Variants in CD300LD observed in about 807,000 individuals in gnomAD.
The protein encoded by CD300LD is CD300 molecule like family member d.
A neutral mutation model predicts 20.3 loss-of-function variants in CD300LD; 18 were observed. The observed-to-expected ratio is 0.89, with a 90% CI of 0.61 to 1.32. CD300LD has a LOEUF of 1.32. CD300LD is among the 40% of genes most tolerant of loss of function. The probability of loss-of-function intolerance (pLI) is 0.00; values close to 1 mark genes in which losing one functional copy is unlikely to be tolerated. For missense variants in CD300LD, 195 were observed against 226.6 expected (o/e 0.86, Z 0.90); for synonymous variants, 104 against 90.1 (o/e 1.15, Z -0.87).
chr17:74,587,116 T>G (rs184645344), intron 2 of CD300LD, among the ~76,000 whole-genome samples: 1 of 151,574 alleles, frequency 6.6e-6, no homozygotes, highest in Non-Finnish European at 1.5e-5. Flanking sequence ...GCCATTGCAC[T>G]CCAGCCCAGG....
intron 2 of CD300LD, 80 bp downstream of exon 2, chr17:74,588,431 T>C: frequency 1.1e-6 from 1 of 881,044 alleles, no homozygotes; most frequent in Non-Finnish European, 1.8e-6. Context: ...TGAGTGACAG[T>C]TAATTTACTC....
chr17:74,591,772 G>C (rs911156582), intron 1 of CD300LD, among the ~76,000 whole-genome samples: 68 of 143,038 alleles, frequency 4.8e-4, no homozygotes, highest in Middle Eastern at 3.9e-3. Flanking sequence ...ATCATGCTAA[G>C]TGAAAGAAGC....
At chr17:74,587,876 C>T (rs1181535602) in intron 2 of CD300LD, among the ~76,000 whole-genome samples, 1 of 150,850 alleles carries the variant, frequency 6.6e-6, no homozygotes, top group Admixed American at 6.6e-5. Context: ...CCTAGAAAGA[C>T]TTAATCCCAT....
At position 74,582,237 on chromosome 17, in the gene CD300LD, T is replaced by C. The variant is rs570260250; in HGVS notation, c.454A>G (p.Thr152Ala). ...ACCTACCTGGTGAGGGGGCTGCTGG[T>C]CTTCTGGGTGGCTGCAGCTGTGAAA... ...LAFTAAATQK[T>A]SSPLTRSPLK... The change falls in exon 3 of 4, where the codon ACC (threonine) becomes GCC (alanine). Residue 152 changes from threonine to alanine, a missense_variant. Physicochemically the swap from Thr to Ala is moderately conservative, Grantham distance 58. Transcript: ENST00000375352. 36 of 1,613,832 alleles carry C rather than the reference T, an allele frequency of 2.2e-5. No individual in the cohort carries two copies. In the Admixed American group the frequency reaches 4.0e-4, roughly 18 times the overall value.
chr17:74,585,200 A>T (rs1377316597), intron 2 of CD300LD, among the ~76,000 whole-genome samples: 1 of 152,218 alleles, frequency 6.6e-6, no homozygotes, highest in Non-Finnish European at 1.5e-5. Flanking sequence ...GGCAGTCTTG[A>T]TGTAGAAATT....
rs975190890 is a variant in CD300LD, at chr17:74,592,277, A to G, written c.-75T>C. The G allele has an allele frequency of 1.9e-5, 30 of 1,613,898 alleles. No individual in the cohort carries two copies. Among genetic ancestry groups the G allele is most frequent in the Non-Finnish European group, 2.5e-5 (29 of 1,179,852 alleles). ...TCAGGGACTTGAATCCAAGCTCGGA[A>G]GTCAACACCGCAAACCTACTCGAAT... is the stretch of plus-strand genomic sequence containing the variant. On this transcript the variant is annotated 5_prime_UTR_variant, in exon 1 of 4. Coordinates refer to ENST00000375352, the MANE Select transcript of CD300LD (RefSeq NM_001115152.2).
intron 1 of CD300LD, among the ~76,000 whole-genome samples, chr17:74,589,696 C>T (rs1180619938): frequency 6.6e-6 from 1 of 152,116 alleles, no homozygotes; most frequent in Non-Finnish European, 1.5e-5. Context: ...GAGAGCTTTG[C>T]CAGAAATTCT....
intron 2 of CD300LD, among the ~76,000 whole-genome samples, chr17:74,586,697 AC>A (rs1354197389): frequency 6.6e-6 from 1 of 152,090 alleles, no homozygotes; most frequent in Non-Finnish European, 1.5e-5. Flanking sequence ...GAGGAGACAA[AC>A]CCACCAAGAT....
Position 74,592,163 on chromosome 17 carries a change from C to G in CD300LD, c.40G>C (p.Gly14Arg). 1 of 1,614,192 alleles carries G rather than the reference C, an allele frequency of 6.2e-7. No homozygotes were observed. The highest frequency in any genetic ancestry group is 8.5e-7 in the Non-Finnish European group (1 of 1,180,036). Reference sequence around the variant, plus strand: ...GCCTTAAAGCTCCAGCCACACTCACCTGGGAGGATGAGAAGCAGCAGAGAT... The same window carrying G: ...GCCTTAAAGCTCCAGCCACACTCACGTGGGAGGATGAGAAGCAGCAGAGAT... ...SPSLLLLILP[G>R]YSIAAKITGP... The change falls in exon 1 of 4, where the codon GGT (glycine) becomes CGT (arginine). Residue 14 changes from glycine (G) to arginine (R), a missense_variant and splice_region_variant. Physicochemically the swap from Gly to Arg is moderately radical, Grantham distance 125 (BLOSUM62 -2). Coordinates refer to ENST00000375352, the MANE Select transcript of CD300LD (RefSeq NM_001115152.2).
At chr17:74,591,915 C>T in intron 1 of CD300LD, 2 of 1,002,304 alleles carry the variant, frequency 2.0e-6, no homozygotes. Flanking sequence ...ATGGAACAGT[C>T]AGGGTTGAGA....
chr17:74,588,649 T>C lies in CD300LD; in HGVS notation c.241A>G (p.Ile81Val). ...EQEVKKNRVS[I>V]RDNQKNHVFT... ...ACGTGGTTTTTCTGATTGTCCCTGA[T>C]GGAAACTCGATTCTTCTTTACCTCC... The change falls in exon 2 of 4, where the codon ATC (isoleucine) becomes GTC (valine). Residue 81 changes from isoleucine (I) to valine (V), a missense_variant. Physicochemically the swap from Ile to Val is conservative, Grantham distance 29. Coordinates refer to ENST00000375352, the MANE Select transcript of CD300LD (RefSeq NM_001115152.2). 1.2e-6 allele frequency: 2 copies of C among 1,614,222 alleles called. No individual in the cohort carries two copies. Among genetic ancestry groups the C allele is most frequent in the Non-Finnish European group, 1.7e-6 (2 of 1,180,034 alleles).
Position 74,592,144 on chromosome 17 carries a change from A to AAGCT in CD300LD, c.40+15_40+18dup, listed in dbSNP as rs370316430. The stretch of plus-strand genomic sequence containing the variant: ...CAGCCGCTGTCATTCCAGTGCCTTA[A>AAGCT]AGCTCCAGCCACACTCACCTGGGAG... On this transcript the variant is annotated intron_variant, in intron 1 of 3. Coordinates refer to ENST00000375352, the MANE Select transcript of CD300LD (RefSeq NM_001115152.2). 7.6e-5 allele frequency: 123 copies of AAGCT among 1,614,106 alleles called. No individual in the cohort carries two copies. The African/African-American group carries it at 1.3e-3, about 17-fold the overall frequency.
At chr17:74,586,594 T>C (rs894062585) in intron 2 of CD300LD, among the ~76,000 whole-genome samples, 2 of 152,084 alleles carry the variant, frequency 1.3e-5, no homozygotes, top group African/African-American at 4.8e-5. Context: ...ATCTCAGGGA[T>C]AGGTTCCCGG....
intron 3 of CD300LD, among the ~76,000 whole-genome samples, chr17:74,580,316 G>T (rs1025401482): frequency 2.0e-5 from 3 of 152,208 alleles, no homozygotes; most frequent in African/African-American, 7.2e-5. Flanking sequence ...AGTAAACTCA[G>T]CCTGGCATTC....
intron 2 of CD300LD, among the ~76,000 whole-genome samples, chr17:74,582,625 G>A (rs1044092102): frequency 3.3e-5 from 5 of 152,226 alleles, no homozygotes; most frequent in East Asian, 1.9e-4. Context: ...GGCCACAGCC[G>A]AGGTGAACTC....
At chr17:74,588,087 C>A (rs1472340227) in intron 2 of CD300LD, among the ~76,000 whole-genome samples, 1 of 152,212 alleles carries the variant, frequency 6.6e-6, no homozygotes. Flanking sequence ...GGAGCCACAT[C>A]TTGTGAGGGC....
intron 3 of CD300LD, among the ~76,000 whole-genome samples, chr17:74,580,925 A>G (rs1168557879): frequency 1.2e-4 from 18 of 151,772 alleles, no homozygotes; most frequent in Admixed American, 7.2e-4. Flanking sequence ...AAAAGACAGA[A>G]AAGAAAATTC....
chr17:74,585,602 C>T (rs937325058), intron 2 of CD300LD, among the ~76,000 whole-genome samples: 2 of 152,154 alleles, frequency 1.3e-5, no homozygotes, highest in African/African-American at 4.8e-5. Context: ...CCAAATAATC[C>T]TCAGCAGTTT....
rs1461848528 is a variant in CD300LD, at chr17:74,592,226, T to A, written c.-24A>T. On this transcript the variant is annotated 5_prime_UTR_variant, in exon 1 of 4. Transcript: ENST00000375352. The stretch of plus-strand genomic sequence containing the variant: ...ATGGTCCTGTCTCCTCTCCTCTCCT[T>A]GGTGATCACAGGTGTCTGGTGCCCT... 6.2e-7 allele frequency: 1 copy of A among 1,614,140 alleles called. No individual in the cohort carries two copies. The highest frequency in any genetic ancestry group is 1.7e-5 in the Admixed American group (1 of 60,016).
Sources: allele counts gnomAD v4.1 joint callset (sites outside exome capture counted in the v4.1 genomes callset), GRCh38; gene constraint gnomAD v4.1.1; transcripts MANE v1.5; gene names NCBI Gene and HGNC (gene_info 2026-07-23, HGNC 2026-07-21).